CLVS1: variants seen among roughly 807,000 people sequenced by gnomAD.
CLVS1 encodes clavesin-1.
A neutral mutation model predicts 33.1 loss-of-function variants in CLVS1; 10 were observed. The observed-to-expected ratio is 0.30, with a 90% CI of 0.19 to 0.51. The LOEUF is 0.51. CLVS1 is among the 20% of genes least tolerant of loss of function. CLVS1 has a pLI of 0.97. For synonymous variants in CLVS1, 163 were observed against 166.1 expected (o/e 0.98, Z 0.14); for missense variants, 343 against 433.4 (o/e 0.79, Z 1.85).
chr8:61,307,731 G>T (rs968707163), intron 2 of CLVS1, among the ~76,000 whole-genome samples: 6 of 151,918 alleles, frequency 3.9e-5, no homozygotes, highest in African/African-American at 4.8e-5. Flanking sequence ...GTGCAGTTTT[G>T]TTACATGGTT....
intron 3 of CLVS1, among the ~76,000 whole-genome samples, chr8:61,386,703 A>T (rs371015219): frequency 6.6e-6 from 1 of 152,198 alleles, no homozygotes; most frequent in East Asian, 1.9e-4. Flanking sequence ...GGGAATGACA[A>T]CTATCTCAAG....
chr8:61,414,161 A>G (rs989063360), intron 3 of CLVS1, among the ~76,000 whole-genome samples: 1 of 152,216 alleles, frequency 6.6e-6, no homozygotes, highest in Admixed American at 6.5e-5. Context: ...ACACCCTTGT[A>G]AGAAAGATAG....
chr8:61,119,391 A>T (rs1478229600), intron 1 of CLVS1, among the ~76,000 whole-genome samples: 1 of 148,674 alleles, frequency 6.7e-6, no homozygotes, highest in Non-Finnish European at 1.5e-5. Flanking sequence ...TAATATTGTT[A>T]TGTGTGAATT....
chr8:61,335,849 C>T (rs959443761), intron 2 of CLVS1, among the ~76,000 whole-genome samples: 3 of 152,134 alleles, frequency 2.0e-5, no homozygotes, highest in Non-Finnish European at 2.9e-5. Flanking sequence ...AGATGGGGCA[C>T]GTGTTCCCTG....
At chr8:61,139,327 T>C (rs1806261041) in intron 2 of CLVS1, among the ~76,000 whole-genome samples, 1 of 152,218 alleles carries the variant, frequency 6.6e-6, no homozygotes, top group African/African-American at 2.4e-5. Context: ...CCGGGAACCC[T>C]TTCTGCCGGG....
intron 2 of CLVS1, among the ~76,000 whole-genome samples, chr8:61,261,132 G>A (rs544394805): frequency 6.6e-6 from 1 of 152,278 alleles, no homozygotes; most frequent in East Asian, 1.9e-4. Context: ...CTAGGTCAGA[G>A]CTTCTAACTG....
chr8:61,377,557 G>T (rs140003058), intron 3 of CLVS1: 6 of 152,252 alleles, frequency 3.9e-5, no homozygotes, highest in African/African-American at 1.2e-4. Context: ...CCCATAGACG[G>T]CAGTTATAGG....
intron 2 of CLVS1, among the ~76,000 whole-genome samples, chr8:61,163,825 C>T (rs891007617): frequency 6.6e-5 from 10 of 152,180 alleles, no homozygotes; most frequent in Admixed American, 2.0e-4. Flanking sequence ...GGATCAGAAA[C>T]GCAGCAGACA....
At chr8:61,119,600 T>C (rs1368537873) in intron 1 of CLVS1, among the ~76,000 whole-genome samples, 2 of 150,668 alleles carry the variant, frequency 1.3e-5, no homozygotes, top group South Asian at 2.1e-4. Flanking sequence ...TTTGCTTGTC[T>C]GTAAAGTATT....
intron 2 of CLVS1, among the ~76,000 whole-genome samples, chr8:61,260,984 G>A (rs767069666): frequency 6.6e-6 from 1 of 152,134 alleles, no homozygotes; most frequent in Non-Finnish European, 1.5e-5. Context: ...CTTGAAATTT[G>A]GATTCAGTAG....
chr8:61,007,779 G>C, the CLVS1 span, among the ~76,000 whole-genome samples: 1 of 152,212 alleles, frequency 6.6e-6, no homozygotes, highest in Non-Finnish European at 1.5e-5. Flanking sequence ...CCATTTAGTG[G>C]ACAGGACGTC....
chr8:61,283,194 T>C (rs1809710370), upstream of CLVS1, among the ~76,000 whole-genome samples: 1 of 152,222 alleles, frequency 6.6e-6, no homozygotes, highest in Non-Finnish European at 1.5e-5. Flanking sequence ...CTCTTTTAAG[T>C]TATAGAACTG....
intron 2 of CLVS1, among the ~76,000 whole-genome samples, chr8:61,156,948 C>T (rs1585650162): frequency 6.6e-6 from 1 of 152,136 alleles, no homozygotes; most frequent in African/African-American, 2.4e-5. Context: ...TCAAGGGGGT[C>T]CCACATTGCA....
At position 61,378,573 on chromosome 8, in the gene CLVS1, A is replaced by C. The variant is rs563472426; in HGVS notation, c.630+1794A>C. 7.2e-5 allele frequency among the ~76,000 whole-genome samples: 11 copies of C among 152,140 alleles called. No homozygotes were observed. In the South Asian group the frequency reaches 2.3e-3, roughly 32 times the overall value. ...TATGGCTTTGGTTAAGGAACAGCCC[A>C]CCTATCATGGAGAGGAAGCCCATGG... On this transcript the variant is annotated intron_variant, in intron 3 of 5. Coordinates refer to ENST00000325897, the MANE Select transcript of CLVS1 (RefSeq NM_173519.3).
chr8:61,495,617 A>G (rs1384745863), intron 5 of CLVS1, among the ~76,000 whole-genome samples: 1 of 152,208 alleles, frequency 6.6e-6, no homozygotes, highest in Admixed American at 6.5e-5. Context: ...ATGAAATTTA[A>G]TACCCAACCA....
At chr8:61,373,888 A>C (rs10504325) in intron 2 of CLVS1, among the ~76,000 whole-genome samples, 2,549 of 152,318 alleles carry the variant, frequency 0.017, 77 homozygotes, top group African/African-American at 0.058. Flanking sequence ...ACTTCTAATG[A>C]AAACCTGCTA....
At chr8:61,323,710 T>A (rs1435670093) in intron 2 of CLVS1, among the ~76,000 whole-genome samples, 1 of 152,082 alleles carries the variant, frequency 6.6e-6, no homozygotes, top group Non-Finnish European at 1.5e-5. Flanking sequence ...GTTACATAGG[T>A]AAACTTGTGT....
chr8:61,283,581 A>G (rs959672410), upstream of CLVS1, among the ~76,000 whole-genome samples: 4 of 152,200 alleles, frequency 2.6e-5, no homozygotes, highest in Admixed American at 6.5e-5. Context: ...GTTCTCATGT[A>G]TACATTTCCC....
intron 3 of CLVS1, among the ~76,000 whole-genome samples, chr8:61,424,392 G>A (rs2129604809): frequency 6.6e-6 from 1 of 152,234 alleles, no homozygotes; most frequent in South Asian, 2.1e-4. Context: ...ATGTTCAGCA[G>A]CAAAGAACCA....
Sources: gnomAD v4.1 joint callset for allele counts (sites outside exome capture counted in the v4.1 genomes callset) on GRCh38, gnomAD v4.1.1 for gene constraint, MANE v1.5 for transcripts, NCBI Gene and HGNC (gene_info 2026-07-23, HGNC 2026-07-21) for gene names.